The following CCDC170 variants were observed in gnomAD, a reference collection of about 807,000 sequenced individuals.
The protein encoded by CCDC170 is coiled-coil domain containing 170.
CCDC170 carries 69 observed loss-of-function variants against 72.6 expected under a neutral mutation model. That is an observed-to-expected ratio of 0.95 (90% CI 0.78 to 1.16). CCDC170 has a LOEUF of 1.16. Ranked by LOEUF, CCDC170 falls within the 50% of genes most tolerant of loss-of-function variation. CCDC170 has a pLI of 0.00. For synonymous variants in CCDC170, 300 were observed against 303.9 expected, an observed-to-expected ratio of 0.99 and a Z score of 0.13; for missense variants, 852 against 832.5, an observed-to-expected ratio of 1.02 and a Z score of -0.29.
chr6:151,553,146 C>A (rs1484858536), intron 5 of CCDC170, among the ~76,000 whole-genome samples: 1 of 152,032 alleles, frequency 6.6e-6, no homozygotes. Context: ...GCTTAGAAAC[C>A]AAAATTGATG....
chr6:151,548,953 T>G (rs1782828997), intron 5 of CCDC170, among the ~76,000 whole-genome samples: 1 of 151,974 alleles, frequency 6.6e-6, no homozygotes, highest in Non-Finnish European at 1.5e-5. Flanking sequence ...CATGCTGGAG[T>G]GCAGTGGTGC....
rs578006365 is a variant in CCDC170, at chr6:151,609,871, G to A, written c.1711-5572G>A. On this transcript the variant is annotated intron_variant, in intron 9 of 10. Transcript: ENST00000239374. ...AGGCAGCCCTGAGGATTCTGATAAA[G>A]TCTCATATTTTTTAGAGATTCTTGG... 1.3e-4 allele frequency among the ~76,000 whole-genome samples: 20 copies of A among 152,304 alleles called. No individual in the cohort carries two copies. The East Asian group carries it at 1.7e-3, about 13-fold the overall frequency.
chr6:151,595,635 A>G (rs1230593892), intron 8 of CCDC170, among the ~76,000 whole-genome samples: 1 of 152,044 alleles, frequency 6.6e-6, no homozygotes, highest in Non-Finnish European at 1.5e-5. Flanking sequence ...AGGCAACATG[A>G]TGAAACCCTG....
At position 151,594,375 on chromosome 6, in the gene CCDC170, T is replaced by C. The variant is rs190908535; in HGVS notation, c.1467+1095T>C. On this transcript the variant is annotated intron_variant, in intron 8 of 10. Transcript: ENST00000239374. ...AGTTGTTAGTTTTTAATAAATAACATTTTCAAACCCTTGGCTCACAGAATA... is the reference window on the plus strand; with the variant it reads ...AGTTGTTAGTTTTTAATAAATAACACTTTCAAACCCTTGGCTCACAGAATA... Among the ~76,000 whole-genome samples, 4 of 152,296 alleles carry C rather than the reference T, an allele frequency of 2.6e-5. No individual in the cohort carries two copies. In the East Asian group the frequency reaches 7.7e-4, roughly 29 times the overall value.
At chr6:151,548,589 G>GA (rs1782818111) in intron 5 of CCDC170, 100 bp downstream of exon 5, 1 of 965,352 alleles carries the variant, frequency 1.0e-6, no homozygotes, top group East Asian at 2.8e-5. Flanking sequence ...TACTGATTAC[G>GA]ATTTTTTTTA....
intron 6 of CCDC170, among the ~76,000 whole-genome samples, chr6:151,578,522 G>C (rs1250920106): frequency 6.6e-6 from 1 of 152,108 alleles, no homozygotes; most frequent in African/African-American, 2.4e-5. Flanking sequence ...CTGGGATTAG[G>C]GTCCACCTTA....
chr6:151,571,752 G>A (rs796277841), intron 5 of CCDC170, among the ~76,000 whole-genome samples: 13 of 152,116 alleles, frequency 8.5e-5, no homozygotes, highest in African/African-American at 3.1e-4. Flanking sequence ...TCCTCCTTTG[G>A]TGCCTCTGTG....
intron 9 of CCDC170, among the ~76,000 whole-genome samples, chr6:151,608,840 T>A (rs1776825112): frequency 6.6e-6 from 1 of 152,204 alleles, no homozygotes; most frequent in Non-Finnish European, 1.5e-5. Context: ...CAGCATAAAT[T>A]TCCTCTCTGG....
At chr6:151,536,257 G>T (rs1782577133) in intron 1 of CCDC170, 61 bp from the exon 2 acceptor site, 5 of 1,587,132 alleles carry the variant, frequency 3.2e-6, no homozygotes, top group Non-Finnish European at 4.3e-6. Flanking sequence ...TTGTGCAGCT[G>T]CACGGAAAAG....
At chr6:151,599,941 C>T (rs555343769) in intron 9 of CCDC170, among the ~76,000 whole-genome samples, 56 of 152,214 alleles carry the variant, frequency 3.7e-4, no homozygotes, top group Non-Finnish European at 6.6e-4. Flanking sequence ...ACTTGGTTGC[C>T]TTATTTTGAA....
chr6:151,542,364 G>T (rs761068333), intron 3 of CCDC170, among the ~76,000 whole-genome samples: 1 of 152,092 alleles, frequency 6.6e-6, no homozygotes, highest in African/African-American at 2.4e-5. Context: ...GAGACCACAG[G>T]TGCATGCCAC....
chr6:151,524,906 A>G (rs1182179057), intron 1 of CCDC170, among the ~76,000 whole-genome samples: 2 of 149,438 alleles, frequency 1.3e-5, no homozygotes, highest in African/African-American at 4.9e-5. Context: ...CTCCAAATAG[A>G]TCCAAATGGA....
At position 151,620,746 on chromosome 6, in the gene CCDC170, G is replaced by C. The variant is rs1043592761; in HGVS notation, c.*2599G>C. On this transcript the variant is annotated 3_prime_UTR_variant, in exon 11 of 11. Transcript: ENST00000239374. ...TTAATAAACTTGATTTAGTTTCTTGGGAAATTTATTTTCTACGCTATTCAA... is the reference window on the plus strand; with the variant it reads ...TTAATAAACTTGATTTAGTTTCTTGCGAAATTTATTTTCTACGCTATTCAA... 9 of 151,680 alleles carry C rather than the reference G, an allele frequency of 5.9e-5. No homozygotes were observed. The highest frequency in any genetic ancestry group is 2.9e-5 in the Non-Finnish European group (2 of 67,922). The allele number at this position is 151,680 out of a possible 1,614,324, so 9.4% of individuals were successfully genotyped here. A position where few individuals can be genotyped will look rare whatever the true frequency, so the allele number is the denominator to read the frequency against.
intron 6 of CCDC170, among the ~76,000 whole-genome samples, chr6:151,578,699 C>T (rs1776337946): frequency 6.6e-6 from 1 of 152,182 alleles, no homozygotes; most frequent in Non-Finnish European, 1.5e-5. Flanking sequence ...AGCCAGTCAA[C>T]AGTGCTGGTC....
intron 9 of CCDC170, among the ~76,000 whole-genome samples, chr6:151,614,797 A>G (rs947893177): frequency 1.7e-4 from 26 of 152,204 alleles, no homozygotes; most frequent in Middle Eastern, 3.4e-3. Flanking sequence ...TTAAGTAATA[A>G]GCTAATACGG....
intron 1 of CCDC170, among the ~76,000 whole-genome samples, chr6:151,510,158 C>A (rs77188925): frequency 0.015 from 2,358 of 152,162 alleles, 51 homozygotes; most frequent in African/African-American, 0.054. Context: ...ACAACAACAA[C>A]AAAAAAACAT....
At chr6:151,497,920 G>T (rs1781933177) in intron 1 of CCDC170, among the ~76,000 whole-genome samples, 1 of 129,514 alleles carries the variant, frequency 7.7e-6, no homozygotes, top group Non-Finnish European at 1.5e-5. Context: ...AGGTTGCAGT[G>T]AGCCAAGATT....
intron 7 of CCDC170, among the ~76,000 whole-genome samples, chr6:151,592,873 A>T (rs1776563424): frequency 6.6e-6 from 1 of 152,212 alleles, no homozygotes; most frequent in Non-Finnish European, 1.5e-5. Flanking sequence ...ATTCGATTGA[A>T]CATGAACATC....
chr6:151,539,240 A>G (rs974047991), intron 3 of CCDC170, among the ~76,000 whole-genome samples: 3 of 148,202 alleles, frequency 2.0e-5, no homozygotes, highest in Admixed American at 7.0e-5. Flanking sequence ...CAGCCTGGGC[A>G]ACAAAGAGAG....
Sources: allele counts gnomAD v4.1 joint callset (sites outside exome capture counted in the v4.1 genomes callset), GRCh38; gene constraint gnomAD v4.1.1; transcripts MANE v1.5; gene names NCBI Gene and HGNC (gene_info 2026-07-23, HGNC 2026-07-21).